RABGAP1: variants seen among roughly 807,000 people sequenced by gnomAD.
RABGAP1 encodes rab GTPase-activating protein 1.
RABGAP1 carries 23 observed loss-of-function variants against 137.6 expected under a neutral mutation model. The ratio of observed to expected loss-of-function variants is 0.17; its 90% CI spans 0.12 to 0.24. The LOEUF is 0.24. Among genes scored for constraint, RABGAP1 ranks in the 10% least tolerant of loss-of-function variants. RABGAP1 has a pLI of 1.00. For missense variants in RABGAP1, 906 were observed against 1,275.8 expected, an observed-to-expected ratio of 0.71 and a Z score of 4.42; for synonymous variants, 451 against 450.7, an observed-to-expected ratio of 1.00 and a Z score of -0.01.
intron 2 of RABGAP1, among the ~76,000 whole-genome samples, chr9:122,974,135 GAC>G (rs1297679136): frequency 6.6e-6 from 1 of 152,154 alleles, no homozygotes; most frequent in African/African-American, 2.4e-5. Context: ...TGGCAGTGGA[GAC>G]ACATCAGTAA....
At chr9:122,942,030 CAG>C (rs1833602532) in intron 1 of RABGAP1, among the ~76,000 whole-genome samples, 1 of 152,098 alleles carries the variant, frequency 6.6e-6, no homozygotes, top group Non-Finnish European at 1.5e-5. Flanking sequence ...GGCTTTTTGT[CAG>C]GGAAAAAAAC....
intron 1 of RABGAP1, among the ~76,000 whole-genome samples, chr9:122,953,551 G>A (rs1439950611): frequency 3.3e-5 from 5 of 152,034 alleles, no homozygotes; most frequent in South Asian, 4.1e-4. Flanking sequence ...ACAGGCGTGC[G>A]CCACCATGCC....
intron 13 of RABGAP1, among the ~76,000 whole-genome samples, chr9:123,041,848 T>C (rs2032968976): frequency 6.6e-6 from 1 of 152,136 alleles, no homozygotes; most frequent in Non-Finnish European, 1.5e-5. Context: ...AAAACAAGAA[T>C]TGATAGAAGC....
intron 19 of RABGAP1, among the ~76,000 whole-genome samples, chr9:123,088,920 A>T (rs1296007977): frequency 6.6e-6 from 1 of 152,186 alleles, no homozygotes; most frequent in Non-Finnish European, 1.5e-5. Flanking sequence ...AGACCACTGG[A>T]CAGAGGAAAA....
At chr9:122,973,205 GATGAACTAGTGTTTCTT>G (rs1835562233) in intron 2 of RABGAP1, among the ~76,000 whole-genome samples, 1 of 152,148 alleles carries the variant, frequency 6.6e-6, no homozygotes, top group African/African-American at 2.4e-5. Flanking sequence ...GGGATGCATT[GATGAACTAGTGTTTCTT>G]ATGCAGAAAG....
chr9:122,981,657 C>CA (rs548749274), intron 2 of RABGAP1, among the ~76,000 whole-genome samples: 173 of 152,274 alleles, frequency 1.1e-3, no homozygotes, highest in Admixed American at 2.9e-3. Flanking sequence ...TGATGCATGT[C>CA]AAAGTTTCAG....
chr9:123,028,162 G>C (rs2131965685), intron 13 of RABGAP1, among the ~76,000 whole-genome samples: 1 of 152,328 alleles, frequency 6.6e-6, no homozygotes, highest in Admixed American at 6.5e-5. Context: ...GAGTTAAACA[G>C]TTACCATGCT....
chr9:122,986,300 G>A lies in RABGAP1; in HGVS notation c.471G>A (p.Ser157=), dbSNP rs561902288. Residue 157 remains serine, a synonymous_variant, in exon 4 of 26, where the codon TCG becomes TCA. Transcript: ENST00000373647. The part of the protein sequence containing the change: ...FSKLTYLGCA[S]VNAPRSEVEA... ...AACTGACTTACTTAGGCTGTGCCTCGGTAAATGCTCCCAGGAGTGAAGTGG... is the reference window on the plus strand; with the variant it reads ...AACTGACTTACTTAGGCTGTGCCTCAGTAAATGCTCCCAGGAGTGAAGTGG... 1.5e-5 allele frequency: 25 copies of A among 1,614,064 alleles called. No homozygotes were observed. Among genetic ancestry groups the A allele is most frequent in the African/African-American group, 4.0e-5 (3 of 75,034 alleles).
At chr9:122,967,746 AT>A (rs944985963) in intron 2 of RABGAP1, among the ~76,000 whole-genome samples, 90 of 146,688 alleles carry the variant, frequency 6.1e-4, no homozygotes, top group Non-Finnish European at 6.5e-4. Context: ...CCTGAAAAAA[AT>A]TTTTTTTTTT....
intron 13 of RABGAP1, among the ~76,000 whole-genome samples, chr9:123,064,006 G>C (rs1040837366): frequency 6.6e-6 from 1 of 151,830 alleles, no homozygotes; most frequent in African/African-American, 2.4e-5. Context: ...TACCTTGCCC[G>C]CCCCAAAATT....
intron 13 of RABGAP1, among the ~76,000 whole-genome samples, chr9:123,021,793 C>T (rs1249468300): frequency 6.6e-6 from 1 of 152,126 alleles, no homozygotes; most frequent in Non-Finnish European, 1.5e-5. Context: ...TAGTATTTAT[C>T]GTTGAGTAAC....
At chr9:122,933,959 C>T in the RABGAP1 span, among the ~76,000 whole-genome samples, 4 of 151,546 alleles carry the variant, frequency 2.6e-5, no homozygotes, top group African/African-American at 7.3e-5. Context: ...GTAGAGACCG[C>T]GCCTTGCTAT....
intron 6 of RABGAP1, chr9:122,990,821 A>ATG: frequency 1.6e-5 from 2 of 122,630 alleles, no homozygotes; most frequent in East Asian, 5.0e-4. Context: ...ATATATATAT[A>ATG]TATATATATA....
intron 13 of RABGAP1, among the ~76,000 whole-genome samples, chr9:123,051,216 GTTTTTTTTT>G (rs552457119): frequency 1.8e-4 from 6 of 34,270 alleles, no homozygotes; most frequent in South Asian, 9.4e-4. Context: ...ATTCACCTTG[GTTTTTTTTT>G]TTTTTTTTTT....
At chr9:123,053,729 A>G (rs983181468) in intron 13 of RABGAP1, among the ~76,000 whole-genome samples, 5 of 152,174 alleles carry the variant, frequency 3.3e-5, no homozygotes, top group Non-Finnish European at 7.4e-5. Flanking sequence ...GATTAATCTT[A>G]AGAAGAACTA....
At chr9:122,950,532 G>T (rs904287877) in intron 1 of RABGAP1, among the ~76,000 whole-genome samples, 1 of 151,976 alleles carries the variant, frequency 6.6e-6, no homozygotes, top group African/African-American at 2.4e-5. Flanking sequence ...GCATATAGTA[G>T]AGCCCTGCTG....
chr9:123,084,070 C>T (rs925278647), intron 19 of RABGAP1, among the ~76,000 whole-genome samples: 4 of 152,116 alleles, frequency 2.6e-5, no homozygotes, highest in Admixed American at 6.5e-5. Flanking sequence ...ATCTATGATA[C>T]GGTATGATGT....
intron 13 of RABGAP1, among the ~76,000 whole-genome samples, chr9:123,048,249 T>C (rs1009240556): frequency 2.0e-5 from 3 of 152,190 alleles, no homozygotes; most frequent in Admixed American, 2.0e-4. Flanking sequence ...AACTGCTGTA[T>C]ATTTTTGCTA....
intron 13 of RABGAP1, among the ~76,000 whole-genome samples, chr9:123,022,739 A>T (rs1183572623): frequency 6.6e-6 from 1 of 152,154 alleles, no homozygotes; most frequent in African/African-American, 2.4e-5. Context: ...ATTAATTTAA[A>T]TTGCTAGTAG....
Sources: allele counts gnomAD v4.1 joint callset (sites outside exome capture counted in the v4.1 genomes callset), GRCh38; gene constraint gnomAD v4.1.1; transcripts MANE v1.5; gene names NCBI Gene and HGNC (gene_info 2026-07-23, HGNC 2026-07-21).